The following SLC5A4 variants were observed in gnomAD, a reference collection of about 807,000 sequenced individuals.
The protein encoded by SLC5A4 is probable glucose sensor protein SLC5A4.
SLC5A4 carries 55 observed loss-of-function variants against 70.3 expected under a neutral mutation model. The observed-to-expected ratio is 0.78, with a 90% CI of 0.63 to 0.98. The LOEUF is 0.98. Among genes scored for constraint, SLC5A4 ranks in the 50% least tolerant of loss-of-function variants. The probability of loss-of-function intolerance (pLI) is 0.00; values close to 1 mark genes in which losing one functional copy is unlikely to be tolerated. For missense variants in SLC5A4, 735 were observed against 839.2 expected, an observed-to-expected ratio of 0.88 and a Z score of 1.53; for synonymous variants, 268 against 305.7, an observed-to-expected ratio of 0.88 and a Z score of 1.29.
the SLC5A4 span, among the ~76,000 whole-genome samples, chr22:32,333,161 G>T: frequency 6.6e-6 from 1 of 150,962 alleles, no homozygotes; most frequent in African/African-American, 2.4e-5. Flanking sequence ...TGAGGTGCCG[G>T]GACTCCCAGC....
intron 5 of SLC5A4, among the ~76,000 whole-genome samples, chr22:32,242,479 G>C (rs762302274): frequency 1.3e-5 from 2 of 152,184 alleles, no homozygotes; most frequent in African/African-American, 2.4e-5. Flanking sequence ...GGAGGCCAAG[G>C]CGGGCAGATC....
the SLC5A4 span, among the ~76,000 whole-genome samples, chr22:32,297,489 C>T: frequency 1.8e-4 from 23 of 126,370 alleles, no homozygotes; most frequent in East Asian, 9.4e-4. Flanking sequence ...TCTGTGGGAT[C>T]GGTGGTGATA....
At chr22:32,316,537 T>C in the SLC5A4 span, among the ~76,000 whole-genome samples, 1 of 151,572 alleles carries the variant, frequency 6.6e-6, no homozygotes, top group Non-Finnish European at 1.5e-5. Context: ...GCTTTTTTTT[T>C]ACTTTTTTTA....
At chr22:32,283,930 G>T in the SLC5A4 span, among the ~76,000 whole-genome samples, 3 of 152,158 alleles carry the variant, frequency 2.0e-5, no homozygotes, top group Non-Finnish European at 4.4e-5. Context: ...CTATTTAAAA[G>T]AATGAATTGG....
intron 8 of SLC5A4, 123 bp downstream of exon 8, chr22:32,234,750 G>A (rs983348529): frequency 6.5e-6 from 5 of 771,400 alleles, no homozygotes; most frequent in East Asian, 2.5e-5. Flanking sequence ...CTCTTTAAAC[G>A]ATGTGTGTGC....
chr22:32,247,385 A>G, intron 5 of SLC5A4, 26 bp downstream of exon 5: 1 of 1,458,678 alleles, frequency 6.9e-7, no homozygotes. Context: ...TCTTGAAGCT[A>G]AAATGCCAGG....
chr22:32,240,473 A>G (rs1198280425), intron 5 of SLC5A4, among the ~76,000 whole-genome samples: 1 of 152,194 alleles, frequency 6.6e-6, no homozygotes, highest in East Asian at 1.9e-4. Context: ...ATACATATAT[A>G]AAACTAATAA....
chr22:32,322,835 A>C, the SLC5A4 span, among the ~76,000 whole-genome samples: 1 of 152,206 alleles, frequency 6.6e-6, no homozygotes, highest in Non-Finnish European at 1.5e-5. Context: ...ATATGTACCA[A>C]AATAGAGCAG....
chr22:32,257,747 C>T (rs1927565839), upstream of SLC5A4, among the ~76,000 whole-genome samples: 1 of 151,324 alleles, frequency 6.6e-6, no homozygotes, highest in Non-Finnish European at 1.5e-5. Context: ...CTCACTGCAA[C>T]CTCCATTTCC....
chr22:32,310,058 G>C, the SLC5A4 span, among the ~76,000 whole-genome samples: 6 of 148,472 alleles, frequency 4.0e-5, no homozygotes, highest in African/African-American at 1.2e-4. Flanking sequence ...GCGGGGTGGG[G>C]AGGGGGGAGG....
At chr22:32,335,833 AG>A in the SLC5A4 span, among the ~76,000 whole-genome samples, 1 of 152,040 alleles carries the variant, frequency 6.6e-6, no homozygotes, top group Non-Finnish European at 1.5e-5. Context: ...GGGACCCCTT[AG>A]AAGCTACAGG....
the SLC5A4 span, among the ~76,000 whole-genome samples, chr22:32,337,348 C>A: frequency 6.6e-6 from 1 of 152,160 alleles, no homozygotes; most frequent in East Asian, 1.9e-4. Flanking sequence ...GCCTGGGCAA[C>A]GTGGCAAAAC....
At chr22:32,315,085 A>G in the SLC5A4 span, among the ~76,000 whole-genome samples, 3 of 152,366 alleles carry the variant, frequency 2.0e-5, no homozygotes, top group Non-Finnish European at 4.4e-5. Flanking sequence ...TAAAATGGTT[A>G]TATGTTATGT....
chr22:32,308,233 G>A, the SLC5A4 span, among the ~76,000 whole-genome samples: 1 of 152,098 alleles, frequency 6.6e-6, no homozygotes, highest in Non-Finnish European at 1.5e-5. Flanking sequence ...CTGTTGATGG[G>A]GACCAGTACA....
chr22:32,302,315 C>T, the SLC5A4 span, among the ~76,000 whole-genome samples: 12 of 147,236 alleles, frequency 8.2e-5, no homozygotes, highest in African/African-American at 2.7e-4. Flanking sequence ...TTTTTTTTTA[C>T]AGTCTGTAGC....
chr22:32,305,054 G>A, the SLC5A4 span, among the ~76,000 whole-genome samples: 1 of 152,002 alleles, frequency 6.6e-6, no homozygotes, highest in Non-Finnish European at 1.5e-5. Context: ...GTCTATTTCT[G>A]GGCTATATAT....
the SLC5A4 span, chr22:32,270,520 T>C: frequency 1.4e-6 from 1 of 712,506 alleles, no homozygotes; most frequent in Non-Finnish European, 2.6e-6. Context: ...CCGCAGACAG[T>C]GATTCCTGAT....
At chr22:32,342,299 C>T in the SLC5A4 span, among the ~76,000 whole-genome samples, 2 of 151,910 alleles carry the variant, frequency 1.3e-5, no homozygotes, top group East Asian at 1.9e-4. Flanking sequence ...GAAACAACAC[C>T]AAGTAACATT....
chr22:32,334,843 A>G, the SLC5A4 span, among the ~76,000 whole-genome samples: 6,933 of 152,306 alleles, frequency 0.046, 302 homozygotes, highest in African/African-American at 0.12. Context: ...ACAAGTGACA[A>G]CAGTATTGGT....
Sources: gnomAD v4.1 joint callset for allele counts (sites outside exome capture counted in the v4.1 genomes callset) on GRCh38, gnomAD v4.1.1 for gene constraint, MANE v1.5 for transcripts, NCBI Gene and HGNC (gene_info 2026-07-23, HGNC 2026-07-21) for gene names.